TMPRSS6: variants seen among roughly 807,000 people sequenced by gnomAD.
TMPRSS6 encodes the protein transmembrane protease serine 6.
Under a neutral mutation model 101.5 loss-of-function variants are expected in TMPRSS6, and 67 were observed. The ratio of observed to expected loss-of-function variants is 0.66; its 90% CI spans 0.54 to 0.81. The LOEUF is 0.81. Ranked by LOEUF, TMPRSS6 falls within the 30% of genes least tolerant of loss-of-function variation. TMPRSS6 has a pLI of 0.00. For missense variants in TMPRSS6, 1,034 were observed against 1,088.7 expected (o/e 0.95, Z 0.71); for synonymous variants, 453 against 464.9 (o/e 0.97, Z 0.33).
intron 12 of TMPRSS6, 141 bp from the exon 13 acceptor site, chr22:37,073,786 G>A (rs940210390): frequency 1.6e-5 from 11 of 705,424 alleles, no homozygotes; most frequent in African/African-American, 3.5e-5. Context: ...TTTATGTCTC[G>A]CTCTTGTCAC....
chr22:37,086,445 C>T (rs1159155956), intron 7 of TMPRSS6, 26 bp from the exon 8 acceptor site: 1 of 1,544,058 alleles, frequency 6.5e-7, no homozygotes, highest in Non-Finnish European at 8.7e-7. Context: ...GGTGGCAAGG[C>T]TGGGCTGGGG....
intron 13 of TMPRSS6, among the ~76,000 whole-genome samples, chr22:37,072,533 G>T (rs1180011950): frequency 1.4e-5 from 2 of 144,552 alleles, no homozygotes; most frequent in Non-Finnish European, 3.0e-5. Flanking sequence ...ATGGATGAAT[G>T]GATGGATGAT....
At chr22:37,100,941 G>C (rs1209657960) in intron 2 of TMPRSS6, among the ~76,000 whole-genome samples, 2 of 152,142 alleles carry the variant, frequency 1.3e-5, no homozygotes. Context: ...TGAGCCCCCG[G>C]GTCAAGTGCA....
intron 6 of TMPRSS6, among the ~76,000 whole-genome samples, chr22:37,093,393 T>C (rs1401724081): frequency 8.3e-6 from 1 of 120,146 alleles, no homozygotes; most frequent in Admixed American, 7.9e-5. Context: ...TCTTTTTTTT[T>C]TTTTTTTTTT....
chr22:37,077,668 A>G (rs1224242875), intron 10 of TMPRSS6, among the ~76,000 whole-genome samples: 3 of 152,240 alleles, frequency 2.0e-5, no homozygotes, highest in South Asian at 2.1e-4. Context: ...ATGTAAAATG[A>G]CAGCACTCTT....
Position 37,103,403 on chromosome 22 carries a change from C to T in TMPRSS6, c.15G>A (p.Glu5=). 1.9e-6 allele frequency: 3 copies of T among 1,614,210 alleles called. No homozygotes were observed. Among genetic ancestry groups the T allele is most frequent in the East Asian group, 2.2e-5 (1 of 44,880 alleles). MPVA[E]APQVAGGQGD... is the part of the protein sequence containing the mutation. The stretch of plus-strand genomic sequence containing the variant: ...CCTGCCCGCCAGCCACCTGGGGGGC[C>T]TCGGCCACGGGCATCCTGCCAGGGA... The change falls in exon 2 of 18, where the codon GAG becomes GAA. Residue 5 remains glutamate, a synonymous_variant. Transcript: ENST00000676104. The surrounding 1 kb of genome is among the most constrained non-coding windows in gnomAD (Gnocchi z 4.4).
At chr22:37,075,402 T>C (rs1480117181) in intron 10 of TMPRSS6, 122 bp from the exon 11 acceptor site, 4 of 1,339,286 alleles carry the variant, frequency 3.0e-6, no homozygotes, top group Non-Finnish European at 3.1e-6. Context: ...GTGCCTCCTC[T>C]GCCCTGATTT....
intron 2 of TMPRSS6, among the ~76,000 whole-genome samples, chr22:37,099,725 G>A (rs1333471885): frequency 6.6e-6 from 1 of 152,216 alleles, no homozygotes; most frequent in Non-Finnish European, 1.5e-5. Flanking sequence ...GGGACGGGCT[G>A]CGATATGGAG....
intron 14 of TMPRSS6, 102 bp from the exon 15 acceptor site, chr22:37,070,754 G>A (rs2146037198): frequency 7.2e-7 from 1 of 1,379,874 alleles, no homozygotes; most frequent in South Asian, 1.2e-5. Context: ...ACAGAGAACA[G>A]GAGAATGATG....
At chr22:37,097,869 GGGGGAGGAGA>G (rs2146165216) in intron 3 of TMPRSS6, among the ~76,000 whole-genome samples, 1 of 98,896 alleles carries the variant, frequency 1.0e-5, no homozygotes, top group Admixed American at 1.0e-4. Context: ...CTGTAACGGA[GGGGGAGGAGA>G]GGGCCACCGT....
chr22:37,073,697 C>A (rs1927355502), intron 12 of TMPRSS6, 52 bp from the exon 13 acceptor site: 3 of 1,289,158 alleles, frequency 2.3e-6, no homozygotes, highest in African/African-American at 2.9e-5. Flanking sequence ...GAGGAGCCAG[C>A]CGGGGCTTGG....
At chr22:37,098,681 T>A (rs8139988) in intron 2 of TMPRSS6, 132 bp from the exon 3 acceptor site, 10 of 1,168,264 alleles carry the variant, frequency 8.6e-6, no homozygotes, top group Non-Finnish European at 1.3e-5. Context: ...GCACCATCAA[T>A]GTCATCATCA....
chr22:37,099,554 AACTGAGCCAAAGTACTTGGG>A (rs1930117007), intron 2 of TMPRSS6, among the ~76,000 whole-genome samples: 1 of 152,214 alleles, frequency 6.6e-6, no homozygotes, highest in African/African-American at 2.4e-5. Context: ...TATGTGTAGG[AACTGAGCCAAAGTACTTGGG>A]ACTATATGAG....
intron 13 of TMPRSS6, among the ~76,000 whole-genome samples, chr22:37,072,112 CGGATGATGGAT>C (rs1293212260): frequency 4.1e-5 from 4 of 98,740 alleles, no homozygotes; most frequent in African/African-American, 1.7e-4. Flanking sequence ...GATGGATGGA[CGGATGATGGAT>C]GGATGATGGA....
intron 10 of TMPRSS6, chr22:37,083,181 C>A (rs1009887161): frequency 1.2e-5 from 5 of 428,634 alleles, no homozygotes; most frequent in Non-Finnish European, 2.4e-5. Context: ...AGAGGCCCAA[C>A]CTGCGATGAA....
In TMPRSS6 at chr22:37,096,630, G is replaced by T. The variant is rs1474359472; in HGVS notation, c.404+18C>A. 2.6e-6 allele frequency: 4 copies of T among 1,557,130 alleles called. No individual in the cohort carries two copies. The Admixed American group carries it at 7.8e-5, about 30-fold the overall frequency. ...CTCAGCTTCTTGCAGGAGCTGGTCA[G>T]GGGCAAGGACAACTCACCCAAAGGA... On this transcript the variant is annotated intron_variant, in intron 4 of 17. Coordinates refer to ENST00000676104, the MANE Select transcript of TMPRSS6 (RefSeq NM_001374504.1).
At chr22:37,087,826 T>C (rs974130861) in intron 7 of TMPRSS6, among the ~76,000 whole-genome samples, 43 of 152,216 alleles carry the variant, frequency 2.8e-4, no homozygotes, top group African/African-American at 1.0e-3. Flanking sequence ...TTTTATTTTA[T>C]TTACCTAGCG....
chr22:37,083,184 G>A (rs1019887548), intron 10 of TMPRSS6: 1 of 423,832 alleles, frequency 2.4e-6, no homozygotes, highest in Non-Finnish European at 4.8e-6. Flanking sequence ...GGCCCAACCT[G>A]CGATGAAGGA....
At chr22:37,074,854 C>T (rs1927478316) in intron 11 of TMPRSS6, 146 bp from the exon 12 acceptor site, 2 of 902,964 alleles carry the variant, frequency 2.2e-6, no homozygotes, top group Admixed American at 2.0e-5. Flanking sequence ...CACCTGTGTA[C>T]ACAGTCCAAG....
Sources: allele counts gnomAD v4.1 joint callset (sites outside exome capture counted in the v4.1 genomes callset), GRCh38; gene constraint gnomAD v4.1.1; non-coding constraint Gnocchi (gnomAD v3.1); transcripts MANE v1.5; gene names NCBI Gene and HGNC (gene_info 2026-07-23, HGNC 2026-07-21).